The following DYNLT5 variants were observed in gnomAD, a reference collection of about 807,000 sequenced individuals.
The protein encoded by DYNLT5 is dynein light chain Tctex-type 5.
In DYNLT5, 25 loss-of-function variants were observed where a neutral mutation model predicts 19.3. The ratio of observed to expected loss-of-function variants is 1.30; its 90% CI spans 0.95 to 1.81. The LOEUF (loss-of-function observed/expected upper bound fraction) is 1.81. Among genes scored for constraint, DYNLT5 ranks in the 40% most tolerant of loss-of-function variants. The pLI is 0.00. For synonymous variants in DYNLT5, 82 were observed against 68.9 expected, an observed-to-expected ratio of 1.19 and a Z score of -0.94; for missense variants, 232 against 217.9, an observed-to-expected ratio of 1.06 and a Z score of -0.41.
At chr1:66,752,931 C>T (rs1029191936) in intron 1 of DYNLT5, among the ~76,000 whole-genome samples, 2 of 152,192 alleles carry the variant, frequency 1.3e-5, no homozygotes, top group East Asian at 3.9e-4. Context: ...GGGGAGGGGG[C>T]GGCCTGCAGG....
chr1:66,754,830 A>C, intron 2 of DYNLT5, 53 bp downstream of exon 2: 2 of 1,551,450 alleles, frequency 1.3e-6, no homozygotes, highest in South Asian at 2.5e-5. Flanking sequence ...TAGGTTCGTA[A>C]TGTTTATTAG....
chr1:66,767,478 G>A (rs1212091842), intron 2 of DYNLT5, among the ~76,000 whole-genome samples: 1 of 152,080 alleles, frequency 6.6e-6, no homozygotes, highest in East Asian at 1.9e-4. Flanking sequence ...GGCTGGTCTT[G>A]AACTCCTGGC....
At chr1:66,760,731 A>G (rs957490273) in intron 2 of DYNLT5, among the ~76,000 whole-genome samples, 2 of 152,198 alleles carry the variant, frequency 1.3e-5, no homozygotes, top group African/African-American at 4.8e-5. Flanking sequence ...ATCACCTCTG[A>G]TGATTGCCCA....
chr1:66,772,126 A>G (rs7519784), intron 3 of DYNLT5, among the ~76,000 whole-genome samples: 29,553 of 152,022 alleles, frequency 0.19, 3,218 homozygotes, highest in African/African-American at 0.3. Flanking sequence ...GTATTTTGTG[A>G]GTGTATTAGT....
At position 66,773,430 on chromosome 1, in the gene DYNLT5, A is replaced by G. The variant is rs112452587; in HGVS notation, c.212-2849A>G. ...CTCAGCATTGATTTTACACCACCAC[A>G]TGGGGTCCTTCCTAATCCCACAGGC... On this transcript the variant is annotated intron_variant, in intron 3 of 4. Coordinates refer to ENST00000282670, the MANE Select transcript of DYNLT5 (RefSeq NM_152665.3). Among the ~76,000 whole-genome samples the G allele has an allele frequency of 2.1e-3, 313 of 152,262 alleles. 1 individual carries two copies. Among genetic ancestry groups the G allele is most frequent in the African/African-American group, 7.0e-3 (291 of 41,562 alleles).
At chr1:66,776,022 A>G (rs2150869566) in intron 3 of DYNLT5, 1 of 287,312 alleles carries the variant, frequency 3.5e-6, no homozygotes, top group South Asian at 6.8e-5. Context: ...CTGGGAAGGA[A>G]GAGACTTTCA....
In DYNLT5 at chr1:66,764,978, A is replaced by G. The variant is rs528657727; in HGVS notation, c.120-5409A>G. On this transcript the variant is annotated intron_variant, in intron 2 of 4. Coordinates refer to ENST00000282670, the MANE Select transcript of DYNLT5 (RefSeq NM_152665.3). Reference sequence around the variant, plus strand: ...AAAGTTCCCAAGTAAAGGAGTTTCTATGCATATTTAATCTCATTCTACATC... The same window carrying G: ...AAAGTTCCCAAGTAAAGGAGTTTCTGTGCATATTTAATCTCATTCTACATC... Among the ~76,000 whole-genome samples the G allele has an allele frequency of 2.6e-3, 392 of 152,318 alleles. 1 individual carries two copies. The highest frequency in any genetic ancestry group is 4.8e-3 in the Non-Finnish European group (329 of 68,024).
chr1:66,753,528 T>C (rs935961906), intron 1 of DYNLT5, among the ~76,000 whole-genome samples: 8 of 152,232 alleles, frequency 5.3e-5, no homozygotes, highest in African/African-American at 9.6e-5. Context: ...ATTTGCTCTT[T>C]ACAAACTATG....
chr1:66,758,559 C>T (rs953832723), intron 2 of DYNLT5, among the ~76,000 whole-genome samples: 2 of 152,180 alleles, frequency 1.3e-5, no homozygotes. Context: ...CCACTGATGG[C>T]ATCTAACATA....
intron 2 of DYNLT5, among the ~76,000 whole-genome samples, chr1:66,756,080 A>G (rs1335888044): frequency 2.6e-5 from 4 of 152,196 alleles, no homozygotes; most frequent in African/African-American, 9.7e-5. Flanking sequence ...GAAGAATTAG[A>G]GATCACTCTT....
At chr1:66,753,243 G>T (rs1051605429) in intron 1 of DYNLT5, among the ~76,000 whole-genome samples, 3 of 152,160 alleles carry the variant, frequency 2.0e-5, no homozygotes, top group Non-Finnish European at 4.4e-5. Context: ...GTTCTTGTGT[G>T]CCCTACCTAC....
At chr1:66,764,194 A>T (rs116572567) in intron 2 of DYNLT5, among the ~76,000 whole-genome samples, 1 of 152,232 alleles carries the variant, frequency 6.6e-6, no homozygotes, top group Admixed American at 6.5e-5. Flanking sequence ...TCTCAAAAAA[A>T]AACAAAAACA....
chr1:66,764,039 T>G (rs2094650324), intron 2 of DYNLT5, among the ~76,000 whole-genome samples: 1 of 151,918 alleles, frequency 6.6e-6, no homozygotes, highest in African/African-American at 2.4e-5. Flanking sequence ...TAAAACAAAA[T>G]TAGCCAGGTG....
intron 3 of DYNLT5, among the ~76,000 whole-genome samples, chr1:66,772,605 T>A (rs184888495): frequency 6.6e-6 from 1 of 152,264 alleles, no homozygotes; most frequent in East Asian, 1.9e-4. Flanking sequence ...GCCAGAAAAG[T>A]AGAGGGAAAT....
chr1:66,755,549 T>C (rs1557869369), intron 2 of DYNLT5: 1 of 152,188 alleles, frequency 6.6e-6, no homozygotes, highest in Non-Finnish European at 1.5e-5. Flanking sequence ...ATATTGAGTA[T>C]ATATTGGGAA....
Position 66,776,291 on chromosome 1 carries a change from AT to A in DYNLT5, c.228del (p.Pro77LeufsTer9). On this transcript the variant is annotated frameshift_variant, in exon 4 of 5. Coordinates refer to ENST00000282670, the MANE Select transcript of DYNLT5 (RefSeq NM_152665.3). LOFTEE classifies it high-confidence loss of function. The part of the protein sequence containing the change: ...ENTYQLGPPK[H>X]FPVVTVNHIL... ...TGTGTATTTTCAGGTCCTCCCAAAC[AT>A]TTTCCTGTGGTCACCGTCAATCATA... The A allele has an allele frequency of 1.2e-6, 2 of 1,612,122 alleles. No homozygotes were observed. The highest frequency in any genetic ancestry group is 1.7e-6 in the Non-Finnish European group (2 of 1,179,254).
intron 2 of DYNLT5, among the ~76,000 whole-genome samples, chr1:66,756,466 A>G (rs1324887880): frequency 6.6e-6 from 1 of 152,246 alleles, no homozygotes; most frequent in Non-Finnish European, 1.5e-5. Flanking sequence ...ACTATCAAAT[A>G]CAGGCATTGT....
Position 66,754,775 on chromosome 1 carries a change from A to T in DYNLT5, c.117A>T (p.Lys39Asn), listed in dbSNP as rs1236304458. 3 of 1,611,032 alleles carry T rather than the reference A, an allele frequency of 1.9e-6. No homozygotes were observed. Among genetic ancestry groups the T allele is most frequent in the Non-Finnish European group, 2.5e-6 (3 of 1,179,136 alleles). ...GAAAGGAAATTCATGGGCGCATCAA[A>T]GAGTGAGTAACTGTCTAAAATTGTA... ...FWRKEIHGRI[K>N]DSMSTVSYME... Residue 39 changes from lysine (K) to asparagine (N), a missense_variant and splice_region_variant, in exon 2 of 5, where the codon AAA (lysine) becomes AAT (asparagine). Lys to Asn is a moderately conservative substitution (Grantham distance 94, BLOSUM62 0). Coordinates refer to ENST00000282670, the MANE Select transcript of DYNLT5 (RefSeq NM_152665.3).
At chr1:66,761,719 A>G (rs2094646197) in intron 2 of DYNLT5, among the ~76,000 whole-genome samples, 1 of 152,168 alleles carries the variant, frequency 6.6e-6, no homozygotes, top group African/African-American at 2.4e-5. Context: ...CTGAGGTTGC[A>G]GTGAGCTTTG....
Sources: allele counts gnomAD v4.1 joint callset (sites outside exome capture counted in the v4.1 genomes callset), GRCh38; gene constraint gnomAD v4.1.1; transcripts MANE v1.5; gene names NCBI Gene and HGNC (gene_info 2026-07-23, HGNC 2026-07-21).